ARHGEF12: variants seen among roughly 807,000 people sequenced by gnomAD.
The protein encoded by ARHGEF12 is Rho guanine nucleotide exchange factor 12.
In ARHGEF12, 66 loss-of-function variants were observed where a neutral mutation model predicts 211.2. The ratio of observed to expected loss-of-function variants is 0.31; its 90% CI spans 0.26 to 0.38. The LOEUF (loss-of-function observed/expected upper bound fraction) is 0.38. Among genes scored for constraint, ARHGEF12 ranks in the 10% least tolerant of loss-of-function variants. The pLI is 1.00. For synonymous variants in ARHGEF12, 592 were observed against 638.4 expected (o/e 0.93, Z 1.09); for missense variants, 1,429 against 1,869.5 (o/e 0.76, Z 4.34).
At chr11:120,361,253 C>T (rs1348701682) in intron 1 of ARHGEF12, among the ~76,000 whole-genome samples, 1 of 152,058 alleles carries the variant, frequency 6.6e-6, no homozygotes, top group Non-Finnish European at 1.5e-5. Context: ...AGCTCCACCT[C>T]CTGTCAGATT....
In ARHGEF12 at chr11:120,364,816, AT is replaced by A. The variant is rs59126463; in HGVS notation, c.32+27561del. Among the ~76,000 whole-genome samples, 524 of 132,432 alleles carry A rather than the reference AT, an allele frequency of 4.0e-3. 1 individual carries two copies. The highest frequency in any genetic ancestry group is 7.9e-3 in the Middle Eastern group (2 of 254). The allele number at this position is 132,432 out of a possible 152,430, so 86.9% of individuals were successfully genotyped here. On this transcript the variant is annotated intron_variant, in intron 1 of 40. Coordinates refer to ENST00000397843, the MANE Select transcript of ARHGEF12 (RefSeq NM_015313.3). Reference sequence around the variant, plus strand: ...AAAAAGACTTCTAGGACATGTACCAATTTTTTTTTTTTTTTTTTTTGAGCCA... The same window carrying A: ...AAAAAGACTTCTAGGACATGTACCAATTTTTTTTTTTTTTTTTTTGAGCCA...
chr11:120,489,029 A>C lies in ARHGEF12; in HGVS notation c.*3952A>C. 1 of 221,328 alleles carries C rather than the reference A, an allele frequency of 4.5e-6. No homozygotes were observed. The highest frequency in any genetic ancestry group is 5.8e-5 in the Admixed American group (1 of 17,358). The allele number at this position is 221,328 out of a possible 1,614,324, so 13.7% of individuals were successfully genotyped here. A position where few individuals can be genotyped will look rare whatever the true frequency, so the allele number is the denominator to read the frequency against. ...TTCAAATATTAAATAAGCTTAAAGGAACCAAGCATGTGACTTTTTATTTGT... is the reference window on the plus strand; with the variant it reads ...TTCAAATATTAAATAAGCTTAAAGGCACCAAGCATGTGACTTTTTATTTGT... On this transcript the variant is annotated 3_prime_UTR_variant, in exon 41 of 41. Transcript: ENST00000397843.
At chr11:120,430,469 T>G (rs1030635716) in intron 10 of ARHGEF12, among the ~76,000 whole-genome samples, 5 of 152,184 alleles carry the variant, frequency 3.3e-5, no homozygotes, top group Admixed American at 6.5e-5. Flanking sequence ...CAGTAGAATT[T>G]GCTGTATAGT....
intron 1 of ARHGEF12, among the ~76,000 whole-genome samples, chr11:120,391,371 C>A (rs942926103): frequency 6.6e-6 from 1 of 152,178 alleles, no homozygotes; most frequent in Admixed American, 6.5e-5. Context: ...AATGGGGAAT[C>A]TGGCCAATCA....
At chr11:120,425,887 G>A (rs1432445273) in intron 7 of ARHGEF12, among the ~76,000 whole-genome samples, 1 of 152,068 alleles carries the variant, frequency 6.6e-6, no homozygotes, top group African/African-American at 2.4e-5. Flanking sequence ...AGAAATAAGA[G>A]ATAGTTGTTT....
intron 1 of ARHGEF12, among the ~76,000 whole-genome samples, chr11:120,405,728 TA>T (rs1479079687): frequency 6.6e-6 from 1 of 152,162 alleles, no homozygotes; most frequent in African/African-American, 2.4e-5. Flanking sequence ...TCTTGATTTT[TA>T]AAAATCTATA....
intron 1 of ARHGEF12, 54 bp downstream of exon 1, chr11:120,337,329 AGG>A: frequency 1.2e-6 from 2 of 1,612,262 alleles, no homozygotes; most frequent in Non-Finnish European, 1.7e-6. Flanking sequence ...CCGACCTAGC[AGG>A]GGAGTCGGTG....
intron 1 of ARHGEF12, among the ~76,000 whole-genome samples, chr11:120,358,169 T>C (rs1943179873): frequency 6.6e-6 from 1 of 152,158 alleles, no homozygotes; most frequent in South Asian, 2.1e-4. Flanking sequence ...TGAGCAACAG[T>C]TTCAGGGGCA....
chr11:120,449,038 A>G, intron 20 of ARHGEF12, 71 bp from the exon 21 acceptor site: 2 of 1,269,664 alleles, frequency 1.6e-6, no homozygotes, highest in South Asian at 1.3e-5. Context: ...AACCATTAGC[A>G]TTACACTATG....
chr11:120,337,969 G>A (rs540297303), intron 1 of ARHGEF12: 1 of 928,596 alleles, frequency 1.1e-6, no homozygotes, highest in East Asian at 1.2e-4. Flanking sequence ...TAGTGTAAGC[G>A]CGCAGCTGAA....
chr11:120,480,721 T>A (rs61898766), intron 38 of ARHGEF12, among the ~76,000 whole-genome samples: 26,372 of 151,804 alleles, frequency 0.17, 2,694 homozygotes, highest in Non-Finnish European at 0.23. Context: ...CTTCAGGAAG[T>A]ATTAGGAAGA....
intron 18 of ARHGEF12, among the ~76,000 whole-genome samples, chr11:120,447,609 A>C (rs532195155): frequency 6.6e-6 from 1 of 152,120 alleles, no homozygotes; most frequent in East Asian, 1.9e-4. Flanking sequence ...CGTAAGGCCA[A>C]GAGTTCGAGA....
rs1327588038 is a variant in ARHGEF12, at chr11:120,457,125, G to A, written c.2064G>A (p.Lys688=). ...TCTGACTTTTGTCTACAGGATCAAA[G>A]CAAGTTGGAGAAACATCAGCACCTG... The part of the protein sequence containing the change: ...EGGKENDTGS[K]QVGETSAPGD... The change falls in exon 23 of 41, where the codon AAG becomes AAA. Residue 688 remains lysine (K), a synonymous_variant. Coordinates refer to ENST00000397843, the MANE Select transcript of ARHGEF12 (RefSeq NM_015313.3). 1 of 1,613,642 alleles carries A rather than the reference G, an allele frequency of 6.2e-7. No homozygotes were observed. The highest frequency in any genetic ancestry group is 1.3e-5 in the African/African-American group (1 of 74,872).
chr11:120,412,318 T>C (rs1437740078), intron 4 of ARHGEF12, among the ~76,000 whole-genome samples: 1 of 152,234 alleles, frequency 6.6e-6, no homozygotes, highest in African/African-American at 2.4e-5. Flanking sequence ...GTTATGTCTT[T>C]TTAAAGCTGT....
intron 27 of ARHGEF12, chr11:120,465,012 GAAA>G (rs757615932): frequency 2.3e-6 from 1 of 439,304 alleles, no homozygotes; most frequent in South Asian, 3.4e-5. Flanking sequence ...TCAAAAAAAA[GAAA>G]AAAAAAAGAA....
chr11:120,411,409 T>C (rs1944876847), intron 4 of ARHGEF12: 1 of 152,188 alleles, frequency 6.6e-6, no homozygotes, highest in South Asian at 2.1e-4. Flanking sequence ...AGCTTGAAAC[T>C]ACTGAGTAGA....
chr11:120,401,267 G>A (rs1012257784), intron 1 of ARHGEF12, among the ~76,000 whole-genome samples: 4 of 152,116 alleles, frequency 2.6e-5, no homozygotes, highest in African/African-American at 4.8e-5. Context: ...TTGTAGTTGC[G>A]AGGTAAGCGA....
At chr11:120,444,553 A>G (rs1052403300) in intron 15 of ARHGEF12, among the ~76,000 whole-genome samples, 1 of 152,220 alleles carries the variant, frequency 6.6e-6, no homozygotes, top group Non-Finnish European at 1.5e-5. Flanking sequence ...TCAAATGAAT[A>G]TAAAGAGATC....
intron 1 of ARHGEF12, among the ~76,000 whole-genome samples, chr11:120,360,817 C>T (rs893985243): frequency 2.0e-5 from 3 of 151,910 alleles, no homozygotes; most frequent in African/African-American, 7.3e-5. Context: ...ATGATTATTA[C>T]GTTAAAAAAA....
Sources: allele counts gnomAD v4.1 joint callset (sites outside exome capture counted in the v4.1 genomes callset), GRCh38; gene constraint gnomAD v4.1.1; transcripts MANE v1.5; gene names NCBI Gene and HGNC (gene_info 2026-07-23, HGNC 2026-07-21).